Variants in ADORA2B observed in about 807,000 individuals in gnomAD.
The protein encoded by ADORA2B is adenosine A2b receptor, also known as adenosine receptor A2b.
In ADORA2B, 18 loss-of-function variants were observed where a neutral mutation model predicts 20.8. That is an observed-to-expected ratio of 0.87 (90% CI 0.60 to 1.29). ADORA2B has a LOEUF of 1.29. ADORA2B is among the 50% of genes most tolerant of loss of function. The pLI is 0.00. For synonymous variants in ADORA2B, 179 were observed against 178.3 expected, an observed-to-expected ratio of 1.00 and a Z score of -0.03; for missense variants, 441 against 422.7, an observed-to-expected ratio of 1.04 and a Z score of -0.38.
chr17:15,889,414 G>T, the ADORA2B span, among the ~76,000 whole-genome samples: 24,026 of 127,708 alleles, frequency 0.19, 7,416 homozygotes, highest in African/African-American at 0.39. Flanking sequence ...GTAGAAATGC[G>T]CAGGTCCAAC....
At position 15,950,995 on chromosome 17, in the gene ADORA2B, G is replaced by A. The variant is rs568871917; in HGVS notation, c.335+5412G>A. ...GGCCTTACACCCCAGGATGCAGCGC[G>A]ATGCCGGCACAGGCTAGGAAAGCAC... is the stretch of plus-strand genomic sequence containing the variant. On this transcript the variant is annotated intron_variant, in intron 1 of 1. Coordinates refer to ENST00000304222, the MANE Select transcript of ADORA2B (RefSeq NM_000676.4). Among the ~76,000 whole-genome samples, 44 of 152,360 alleles carry A rather than the reference G, an allele frequency of 2.9e-4. No individual in the cohort carries two copies. The South Asian group carries it at 3.1e-3, about 11-fold the overall frequency.
the ADORA2B span, among the ~76,000 whole-genome samples, chr17:15,935,248 A>C: frequency 6.6e-6 from 1 of 152,042 alleles, no homozygotes; most frequent in South Asian, 2.1e-4. Context: ...TTTATTGTAG[A>C]TCTCTTAGTG....
the ADORA2B span, among the ~76,000 whole-genome samples, chr17:15,937,683 C>T: frequency 6.6e-6 from 1 of 151,868 alleles, no homozygotes; most frequent in Admixed American, 6.6e-5. Context: ...AGCGATTATT[C>T]TGCCTCAGCC....
intron 1 of ADORA2B, chr17:15,973,876 C>T (rs561678857): frequency 1.3e-5 from 2 of 151,502 alleles, no homozygotes; most frequent in East Asian, 3.9e-4. Context: ...ATAACAAAGC[C>T]AATTTTACCA....
chr17:15,901,700 A>G, the ADORA2B span, among the ~76,000 whole-genome samples: 2 of 152,126 alleles, frequency 1.3e-5, no homozygotes, highest in Non-Finnish European at 2.9e-5. Context: ...GCCCTCAACC[A>G]TGGTGACAGT....
chr17:15,906,815 CAT>C, the ADORA2B span, among the ~76,000 whole-genome samples: 14 of 152,180 alleles, frequency 9.2e-5, no homozygotes, highest in Non-Finnish European at 1.6e-4. Context: ...TCTCTTCTGA[CAT>C]GTGCAAAATA....
the ADORA2B span, among the ~76,000 whole-genome samples, chr17:15,867,930 G>T: frequency 0.069 from 10,423 of 151,666 alleles, 430 homozygotes; most frequent in Middle Eastern, 0.13. Flanking sequence ...GGAATAGAAA[G>T]GGGGGAAAGG....
At chr17:15,853,661 T>C in the ADORA2B span, among the ~76,000 whole-genome samples, 1 of 152,172 alleles carries the variant, frequency 6.6e-6, no homozygotes. Flanking sequence ...ATTTAAATAA[T>C]TTTCTCAAAG....
chr17:15,967,605 A>G (rs1266696252), intron 1 of ADORA2B, among the ~76,000 whole-genome samples: 1 of 152,168 alleles, frequency 6.6e-6, no homozygotes, highest in Non-Finnish European at 1.5e-5. Context: ...GTGGGGAAGG[A>G]CACTTCCTCA....
intron 1 of ADORA2B, among the ~76,000 whole-genome samples, chr17:15,962,195 C>T (rs761919043): frequency 1.6e-4 from 25 of 152,016 alleles, no homozygotes; most frequent in African/African-American, 4.6e-4. Context: ...CCCAGCTACT[C>T]GGAAGGCTGA....
At chr17:15,973,585 T>C (rs1401922596) in intron 1 of ADORA2B, among the ~76,000 whole-genome samples, 1 of 152,330 alleles carries the variant, frequency 6.6e-6, no homozygotes, top group East Asian at 1.9e-4. Context: ...ATCAGCAGCA[T>C]TCGATTCTCA....
the ADORA2B span, among the ~76,000 whole-genome samples, chr17:15,933,596 A>T: frequency 6.6e-6 from 1 of 151,242 alleles, no homozygotes; most frequent in Non-Finnish European, 1.5e-5. Context: ...AAGATTATTC[A>T]TTGCTATTGA....
At chr17:15,880,051 T>C in the ADORA2B span, among the ~76,000 whole-genome samples, 96 of 147,046 alleles carry the variant, frequency 6.5e-4, no homozygotes, top group Non-Finnish European at 1.1e-3. Context: ...GACCTGTTAG[T>C]TGTGCAGAAG....
At chr17:15,909,113 C>T in the ADORA2B span, among the ~76,000 whole-genome samples, 7,480 of 151,974 alleles carry the variant, frequency 0.049, 629 homozygotes, top group African/African-American at 0.17. Flanking sequence ...TGCTTGTATC[C>T]GGGAGTTGGA....
In ADORA2B at chr17:15,960,077, G is replaced by A. The variant is rs142419120; in HGVS notation, c.335+14494G>A. Among the ~76,000 whole-genome samples the A allele has an allele frequency of 6.9e-3, 1,052 of 152,094 alleles. 20 individuals carry two copies. The highest frequency in any genetic ancestry group is 0.024 in the African/African-American group (983 of 41,464). On this transcript the variant is annotated intron_variant, in intron 1 of 1. Coordinates refer to ENST00000304222, the MANE Select transcript of ADORA2B (RefSeq NM_000676.4). ...GAGGCCAGAAGTTCAAGACCAGCCTGGGCAACACAGCGAGGCCCCATCTCT... is the reference window on the plus strand; with the variant it reads ...GAGGCCAGAAGTTCAAGACCAGCCTAGGCAACACAGCGAGGCCCCATCTCT...
the ADORA2B span, among the ~76,000 whole-genome samples, chr17:15,934,835 C>T: frequency 1.2e-4 from 19 of 152,250 alleles, no homozygotes; most frequent in Admixed American, 2.6e-4. Flanking sequence ...GAGACAGAGT[C>T]TCGCCCTGTT....
In ADORA2B at chr17:15,945,550, T is replaced by C; in HGVS notation, c.302T>C (p.Val101Ala). 1 of 1,584,968 alleles carries C rather than the reference T, an allele frequency of 6.3e-7. No homozygotes were observed. The highest frequency in any genetic ancestry group is 8.6e-7 in the Non-Finnish European group (1 of 1,168,690). Residue 101 changes from valine (V) to alanine (A), a missense_variant, in exon 1 of 2, where the codon GTC (valine) becomes GCC (alanine). Val to Ala is a moderately conservative substitution (Grantham distance 64). Transcript: ENST00000304222. ...ATCTTCAGCCTTCTGGCCGTGGCAG[T>C]CGACAGATACCTGGCCATCTGTGTC... ...SSIFSLLAVA[V>A]DRYLAICVPL...
chr17:15,956,272 T>C (rs1597424517), intron 1 of ADORA2B, among the ~76,000 whole-genome samples: 1 of 152,254 alleles, frequency 6.6e-6, no homozygotes, highest in African/African-American at 2.4e-5. Context: ...CCTAAACTCT[T>C]CCCCTCCCCC....
At chr17:15,887,322 G>A in the ADORA2B span, among the ~76,000 whole-genome samples, 1 of 130,662 alleles carries the variant, frequency 7.7e-6, no homozygotes, top group African/African-American at 3.2e-5. Flanking sequence ...GATAGTGAGA[G>A]GAACCATTTA....
Sources: gnomAD v4.1 joint callset for allele counts (sites outside exome capture counted in the v4.1 genomes callset) on GRCh38, gnomAD v4.1.1 for gene constraint, MANE v1.5 for transcripts, NCBI Gene and HGNC (gene_info 2026-07-23, HGNC 2026-07-21) for gene names.